CTNNA3: variants seen among roughly 807,000 people sequenced by gnomAD.
The protein encoded by CTNNA3 is catenin alpha 3.
In CTNNA3, 76 loss-of-function variants were observed where a neutral mutation model predicts 95.7. The ratio of observed to expected loss-of-function variants is 0.79; its 90% CI spans 0.66 to 0.96. The LOEUF is 0.96. CTNNA3 is among the 40% of genes least tolerant of loss of function. The pLI is 0.00. For missense variants in CTNNA3, 1,191 were observed against 1,089.8 expected, an observed-to-expected ratio of 1.09 and a Z score of -1.31; for synonymous variants, 431 against 374.4, an observed-to-expected ratio of 1.15 and a Z score of -1.74.
chr10:67,252,394 C>A (rs959866338), intron 5 of CTNNA3, among the ~76,000 whole-genome samples: 1 of 152,006 alleles, frequency 6.6e-6, no homozygotes, highest in Admixed American at 6.6e-5. Context: ...AATAACAAAC[C>A]CTATATGTAC....
At chr10:67,425,397 A>C (rs928343643) in intron 5 of CTNNA3, among the ~76,000 whole-genome samples, 24 of 152,198 alleles carry the variant, frequency 1.6e-4, no homozygotes, top group Non-Finnish European at 3.4e-4. Context: ...AATGACAGGA[A>C]GGAAGAAAGT....
intron 17 of CTNNA3, among the ~76,000 whole-genome samples, chr10:65,964,842 C>G (rs900084815): frequency 6.6e-6 from 1 of 151,932 alleles, no homozygotes; most frequent in Admixed American, 6.6e-5. Context: ...AAGGAATATA[C>G]AGTAGTTAAA....
At chr10:66,275,116 AT>A (rs113062976) in intron 13 of CTNNA3, among the ~76,000 whole-genome samples, 7,310 of 151,532 alleles carry the variant, frequency 0.048, 313 homozygotes, top group African/African-American at 0.11. Flanking sequence ...TTTAATTTGC[AT>A]TTTTTTTCCT....
chr10:66,384,364 T>C (rs1404041914), intron 11 of CTNNA3, among the ~76,000 whole-genome samples: 2 of 152,076 alleles, frequency 1.3e-5, no homozygotes, highest in South Asian at 2.1e-4. Flanking sequence ...CATTACATAA[T>C]GGTAAAGGGA....
chr10:66,768,002 G>C (rs1216567195), intron 8 of CTNNA3, among the ~76,000 whole-genome samples: 1 of 152,142 alleles, frequency 6.6e-6, no homozygotes, highest in Non-Finnish European at 1.5e-5. Flanking sequence ...AGGCAAAGGG[G>C]AGACCTTAAC....
At position 67,119,152 on chromosome 10, in the gene CTNNA3, G is replaced by A. The variant is rs533780873; in HGVS notation, c.1047+61165C>T. Among the ~76,000 whole-genome samples the A allele has an allele frequency of 4.6e-5, 7 of 152,076 alleles. No homozygotes were observed. The East Asian group carries it at 1.4e-3, about 29-fold the overall frequency. On this transcript the variant is annotated intron_variant, in intron 7 of 17. Transcript: ENST00000433211. Reference sequence around the variant, plus strand: ...CAACCAGCAAATCCACTGACAGAATGAAGATATGTGTGAAGTACTGAGAGT... The same window carrying A: ...CAACCAGCAAATCCACTGACAGAATAAAGATATGTGTGAAGTACTGAGAGT...
chr10:67,362,796 G>T (rs1282226662), intron 5 of CTNNA3, among the ~76,000 whole-genome samples: 1 of 145,860 alleles, frequency 6.9e-6, no homozygotes, highest in African/African-American at 2.6e-5. Context: ...CATTCAAATA[G>T]AAAAAAAAAA....
At chr10:67,534,963 T>C (rs1840445907) in intron 4 of CTNNA3, among the ~76,000 whole-genome samples, 1 of 152,100 alleles carries the variant, frequency 6.6e-6, no homozygotes, top group African/African-American at 2.4e-5. Flanking sequence ...AAGTGGATTA[T>C]AAGTAATTTA....
intron 1 of CTNNA3, among the ~76,000 whole-genome samples, chr10:67,668,081 A>C (rs750805365): frequency 5.9e-5 from 9 of 152,152 alleles, no homozygotes; most frequent in Non-Finnish European, 1.2e-4. Flanking sequence ...GGTACCTGAC[A>C]CAGGCTCTCC....
chr10:66,329,738 CAA>C (rs1372446290), intron 12 of CTNNA3, among the ~76,000 whole-genome samples: 6 of 152,068 alleles, frequency 3.9e-5, no homozygotes, highest in African/African-American at 1.4e-4. Flanking sequence ...AGAGTTATAT[CAA>C]ATATACTTGA....
At chr10:67,103,133 C>A (rs1353081361) in intron 7 of CTNNA3, among the ~76,000 whole-genome samples, 2 of 151,806 alleles carry the variant, frequency 1.3e-5, no homozygotes, top group East Asian at 3.9e-4. Flanking sequence ...TGAGGTGATA[C>A]TAATGCATGC....
chr10:67,177,001 T>C (rs1862274049), intron 7 of CTNNA3: 1 of 488,464 alleles, frequency 2.0e-6, no homozygotes. Flanking sequence ...GACAGAAATT[T>C]GTGTGGTTTA....
chr10:67,663,857 ACAAG>A (rs1840262535), intron 1 of CTNNA3, among the ~76,000 whole-genome samples: 1 of 152,158 alleles, frequency 6.6e-6, no homozygotes, highest in Non-Finnish European at 1.5e-5. Context: ...GTTCACTTAG[ACAAG>A]CCCAGTTTAG....
rs1861017937 is a variant in CTNNA3, at chr10:67,149,900, T to C, written c.1047+30417A>G. Reference sequence around the variant, plus strand: ...TAATGTTTTTCGAGTTTGAGAATTATAAAACAACAAATAATGAGGCATTCT... The same window carrying C: ...TAATGTTTTTCGAGTTTGAGAATTACAAAACAACAAATAATGAGGCATTCT... On this transcript the variant is annotated intron_variant, in intron 7 of 17. Transcript: ENST00000433211. Among the ~76,000 whole-genome samples, 5 of 152,210 alleles carry C rather than the reference T, an allele frequency of 3.3e-5. No homozygotes were observed. The South Asian group carries it at 1.0e-3, about 32-fold the overall frequency.
intron 11 of CTNNA3, among the ~76,000 whole-genome samples, chr10:66,483,198 G>T (rs956044538): frequency 6.6e-6 from 1 of 152,130 alleles, no homozygotes; most frequent in East Asian, 1.9e-4. Flanking sequence ...ACTTATTATT[G>T]TATATCCTTG....
chr10:67,584,507 C>A (rs749856188), intron 3 of CTNNA3, among the ~76,000 whole-genome samples: 6 of 152,074 alleles, frequency 3.9e-5, no homozygotes, highest in African/African-American at 1.4e-4. Context: ...TTAGGCTACT[C>A]GCGGGTCATG....
chr10:66,469,645 C>T (rs1390885194), intron 11 of CTNNA3, among the ~76,000 whole-genome samples: 1 of 151,778 alleles, frequency 6.6e-6, no homozygotes, highest in African/African-American at 2.4e-5. Flanking sequence ...ATACCCTGCA[C>T]TACAGACACT....
intron 1 of CTNNA3, among the ~76,000 whole-genome samples, chr10:67,652,129 C>T (rs1839893915): frequency 6.6e-6 from 1 of 152,230 alleles, no homozygotes; most frequent in African/African-American, 2.4e-5. Context: ...TCTGTATCTT[C>T]GCATGGCAGA....
intron 13 of CTNNA3, among the ~76,000 whole-genome samples, chr10:66,178,373 A>G (rs1339677577): frequency 6.9e-6 from 1 of 144,166 alleles, no homozygotes; most frequent in East Asian, 2.0e-4. Flanking sequence ...TATTAAGTAC[A>G]ACATACAACT....
Sources: gnomAD v4.1 joint callset for allele counts (sites outside exome capture counted in the v4.1 genomes callset) on GRCh38, gnomAD v4.1.1 for gene constraint, MANE v1.5 for transcripts, NCBI Gene and HGNC (gene_info 2026-07-23, HGNC 2026-07-21) for gene names.